The following ME1 variants were observed in gnomAD, a reference collection of about 807,000 sequenced individuals.
The protein encoded by ME1 is malic enzyme 1.
A neutral mutation model predicts 66.4 loss-of-function variants in ME1; 74 were observed. The ratio of observed to expected loss-of-function variants is 1.11; its 90% confidence interval spans 0.92 to 1.35. The LOEUF is 1.35. ME1 is among the 40% of genes most tolerant of loss of function. The probability of loss-of-function intolerance (pLI) is 0.00; values close to 1 mark genes in which losing one functional copy is unlikely to be tolerated. For missense variants in ME1, 750 were observed against 694.1 expected, an observed-to-expected ratio of 1.08 and a Z score of -0.90; for synonymous variants, 251 against 235.6, an observed-to-expected ratio of 1.07 and a Z score of -0.60.
intron 3 of ME1, among the ~76,000 whole-genome samples, chr6:83,373,358 C>T (rs1769229020): frequency 6.6e-6 from 1 of 152,086 alleles, no homozygotes; most frequent in Non-Finnish European, 1.5e-5. Context: ...GCCTCAGCCT[C>T]CCCAGTAGCT....
At chr6:83,228,805 G>T in intron 10 of ME1, 21 bp downstream of exon 10, 2 of 1,472,636 alleles carry the variant, frequency 1.4e-6, no homozygotes, top group South Asian at 1.2e-5. Flanking sequence ...TAGGGGAGAA[G>T]GGAGAGGAGA....
chr6:83,307,790 CTCTA>C (rs3839445), intron 6 of ME1, among the ~76,000 whole-genome samples: 27,463 of 151,848 alleles, frequency 0.18, 6,054 homozygotes, highest in African/African-American at 0.53. Flanking sequence ...TTGGACGAAA[CTCTA>C]TCTAACTGCA....
rs747325550 is a variant in ME1, at chr6:83,407,783, T to G, written c.197A>C (p.Asn66Thr). The G allele has an allele frequency of 1.2e-6, 2 of 1,606,430 alleles. No individual in the cohort carries two copies. Among genetic ancestry groups the G allele is most frequent in the Non-Finnish European group, 1.7e-6 (2 of 1,177,970 alleles). ...AATGTGTTACCTGTCAAAGTCAGAG[T>G]TCAGATGCTCGAAATTTTTTACTAC... ...LRVVKNFEHLNSDFDRYLLLM... is the reference protein window; with the variant it reads ...LRVVKNFEHLTSDFDRYLLLM... The change falls in exon 2 of 14, where the codon AAC (asparagine) becomes ACC (threonine). Residue 66 changes from asparagine (N) to threonine (T), a missense_variant. By Grantham distance (65) the Asn-to-Thr change is moderately conservative. Coordinates refer to ENST00000369705, the MANE Select transcript of ME1 (RefSeq NM_002395.6).
chr6:83,321,574 G>A (rs183332718), intron 5 of ME1, among the ~76,000 whole-genome samples: 1 of 152,122 alleles, frequency 6.6e-6, no homozygotes, highest in Non-Finnish European at 1.5e-5. Flanking sequence ...GCACCACAAA[G>A]CCACTATAGC....
chr6:83,360,796 T>C (rs535863044), intron 3 of ME1, among the ~76,000 whole-genome samples: 1 of 152,340 alleles, frequency 6.6e-6, no homozygotes, highest in Non-Finnish European at 1.5e-5. Flanking sequence ...CAGTAGATTA[T>C]TGTAAGCTTA....
chr6:83,361,335 G>A (rs1457139532), intron 3 of ME1, among the ~76,000 whole-genome samples: 1 of 152,210 alleles, frequency 6.6e-6, no homozygotes, highest in East Asian at 1.9e-4. Flanking sequence ...CCAAGAAAAA[G>A]GCACAATGCC....
intron 1 of ME1, among the ~76,000 whole-genome samples, chr6:83,427,454 CT>C (rs1235258282): frequency 6.6e-6 from 1 of 152,128 alleles, no homozygotes; most frequent in Non-Finnish European, 1.5e-5. Context: ...CACATTTCAA[CT>C]TTTCTGACTA....
chr6:83,401,463 A>G (rs1341978009), intron 2 of ME1, among the ~76,000 whole-genome samples: 1 of 152,230 alleles, frequency 6.6e-6, no homozygotes, highest in African/African-American at 2.4e-5. Flanking sequence ...AACAGTCTGT[A>G]GCAAATATAT....
intron 3 of ME1, among the ~76,000 whole-genome samples, chr6:83,360,077 G>A (rs1768979869): frequency 6.6e-6 from 1 of 152,158 alleles, no homozygotes; most frequent in African/African-American, 2.4e-5. Flanking sequence ...TAGGTCGAAT[G>A]GACAAAAGGC....
intron 6 of ME1, among the ~76,000 whole-genome samples, chr6:83,274,087 C>T (rs1455442027): frequency 4.6e-5 from 7 of 152,104 alleles, no homozygotes; most frequent in African/African-American, 1.7e-4. Context: ...AATATTGTCA[C>T]CTAATGCTCT....
intron 3 of ME1, among the ~76,000 whole-genome samples, chr6:83,369,784 A>T (rs1255567299): frequency 6.6e-6 from 1 of 152,176 alleles, no homozygotes; most frequent in East Asian, 1.9e-4. Flanking sequence ...AGAGGAAGGA[A>T]TATATTCTTT....
intron 9 of ME1, among the ~76,000 whole-genome samples, chr6:83,235,817 G>A (rs1229821895): frequency 6.6e-6 from 1 of 151,890 alleles, no homozygotes; most frequent in African/African-American, 2.4e-5. Context: ...GAAAGCCTCT[G>A]TCTTTATATA....
chr6:83,365,523 A>T (rs756155491), intron 3 of ME1, among the ~76,000 whole-genome samples: 1 of 152,184 alleles, frequency 6.6e-6, no homozygotes, highest in Non-Finnish European at 1.5e-5. Context: ...ATCTCCAAGG[A>T]ACACAGAGAA....
intron 1 of ME1, among the ~76,000 whole-genome samples, chr6:83,414,723 G>T (rs1465685746): frequency 6.6e-6 from 1 of 152,238 alleles, no homozygotes; most frequent in African/African-American, 2.4e-5. Flanking sequence ...GATCGTTATA[G>T]ATTCTTTGTA....
chr6:83,234,245 C>G (rs1315418552), intron 9 of ME1, among the ~76,000 whole-genome samples: 1 of 152,162 alleles, frequency 6.6e-6, no homozygotes, highest in Non-Finnish European at 1.5e-5. Context: ...ACTTTTTGGA[C>G]TTTTGAATAT....
chr6:83,306,012 G>A (rs541713943), intron 6 of ME1, among the ~76,000 whole-genome samples: 35 of 152,102 alleles, frequency 2.3e-4, no homozygotes, highest in African/African-American at 6.5e-4. Flanking sequence ...ATAAACACAC[G>A]TAAATTAAGG....
At position 83,216,509 on chromosome 6, in the gene ME1, T is replaced by C. The variant is rs770442498; in HGVS notation, c.1537A>G (p.Ile513Val). The change falls in exon 13 of 14, where the codon ATT becomes GTT. Residue 513 changes from isoleucine to valine, a missense_variant. Transcript: ENST00000369705. ...AAGAGTGGTTTTACCTTTTCTGCAATTTTCAGAGAAACATCTCTAATGGTA... is the reference window on the plus strand; with the variant it reads ...AAGAGTGGTTTTACCTTTTCTGCAACTTTCAGAGAAACATCTCTAATGGTA... The part of the protein sequence containing the change: ...LNTIRDVSLK[I>V]AEKIVKDAYQ... The C allele has an allele frequency of 5.6e-6, 9 of 1,602,626 alleles. No individual in the cohort carries two copies. In the South Asian group the frequency reaches 9.1e-5, roughly 16 times the overall value.
chr6:83,368,947 A>G (rs1477671878), intron 3 of ME1, among the ~76,000 whole-genome samples: 2 of 152,116 alleles, frequency 1.3e-5, no homozygotes, highest in African/African-American at 2.4e-5. Flanking sequence ...CCTCTGCAAT[A>G]TTTGCTAGCA....
At position 83,425,960 on chromosome 6, in the gene ME1, G is replaced by A. The variant is rs1369098734; in HGVS notation, c.78+4917C>T. On this transcript the variant is annotated intron_variant, in intron 1 of 13. Transcript: ENST00000369705. ...TGTTAAGAGGTGGGATTTTTATGAG[G>A]TGACTAGTATTGTTAATGCAGGAGT... Among the ~76,000 whole-genome samples, 4 of 152,256 alleles carry A rather than the reference G, an allele frequency of 2.6e-5. No individual in the cohort carries two copies. In the East Asian group the frequency reaches 7.7e-4, roughly 29 times the overall value.
Sources: allele counts gnomAD v4.1 joint callset (sites outside exome capture counted in the v4.1 genomes callset), GRCh38; gene constraint gnomAD v4.1.1; transcripts MANE v1.5; gene names NCBI Gene and HGNC (gene_info 2026-07-23, HGNC 2026-07-21).